The following POU6F2 variants were observed in gnomAD, a reference collection of about 807,000 sequenced individuals.
The protein encoded by POU6F2 is POU domain, class 6, transcription factor 2.
POU6F2 carries 31 observed loss-of-function variants against 71.3 expected under a neutral mutation model. The ratio of observed to expected loss-of-function variants is 0.43; its 90% CI spans 0.33 to 0.59. The LOEUF is 0.59. Ranked by LOEUF, POU6F2 falls within the 20% of genes least tolerant of loss-of-function variation. POU6F2 has a pLI of 0.04. For synonymous variants in POU6F2, 347 were observed against 355.7 expected (o/e 0.98, Z 0.27); for missense variants, 783 against 856.8 (o/e 0.91, Z 1.07).
intron 4 of POU6F2, among the ~76,000 whole-genome samples, chr7:39,328,285 A>C (rs186372474): frequency 2.2e-4 from 34 of 152,354 alleles, no homozygotes; most frequent in Admixed American, 2.2e-3. Flanking sequence ...ATTTCCAAAA[A>C]TAGGATGAAA....
chr7:39,061,465 A>T (rs916096788), intron 1 of POU6F2, among the ~76,000 whole-genome samples: 2 of 152,318 alleles, frequency 1.3e-5, no homozygotes, highest in African/African-American at 4.8e-5. Context: ...TTACAATAAC[A>T]TCCATTGACC....
intron 4 of POU6F2, among the ~76,000 whole-genome samples, chr7:39,229,105 CAAGAG>C (rs1013301793): frequency 1.6e-4 from 24 of 152,316 alleles, no homozygotes; most frequent in African/African-American, 5.5e-4. Flanking sequence ...CCTGTTTAGT[CAAGAG>C]AGCCTTAAAT....
chr7:39,314,031 A>T (rs1050511090), intron 4 of POU6F2, among the ~76,000 whole-genome samples: 3 of 152,186 alleles, frequency 2.0e-5, no homozygotes, highest in African/African-American at 7.2e-5. Flanking sequence ...CTATGCACAC[A>T]TGAGATTCTG....
chr7:39,082,565 C>T (rs1791142630), intron 1 of POU6F2, among the ~76,000 whole-genome samples: 1 of 152,142 alleles, frequency 6.6e-6, no homozygotes, highest in Non-Finnish European at 1.5e-5. Flanking sequence ...AAAATCCTCT[C>T]TTCACTACGA....
intron 4 of POU6F2, among the ~76,000 whole-genome samples, chr7:39,214,921 G>A (rs1334955218): frequency 6.6e-6 from 1 of 152,198 alleles, no homozygotes; most frequent in Non-Finnish European, 1.5e-5. Flanking sequence ...CCATCATAGA[G>A]CCTGAAATGT....
chr7:39,030,428 G>GAT (rs1039988833), intron 1 of POU6F2, among the ~76,000 whole-genome samples: 21 of 143,276 alleles, frequency 1.5e-4, no homozygotes, highest in Non-Finnish European at 2.7e-4. Flanking sequence ...TCTTGCCTGA[G>GAT]ATCTGATTAT....
At chr7:38,998,114 T>G (rs1167062316) in intron 1 of POU6F2, among the ~76,000 whole-genome samples, 1 of 152,250 alleles carries the variant, frequency 6.6e-6, no homozygotes, top group African/African-American at 2.4e-5. Context: ...CCGAAGAATT[T>G]TTAAATGATC....
intron 2 of POU6F2, among the ~76,000 whole-genome samples, chr7:39,175,947 A>C (rs991184922): frequency 6.6e-6 from 1 of 152,192 alleles, no homozygotes; most frequent in Admixed American, 6.5e-5. Context: ...CCTTCCATCT[A>C]GGAAGACTGG....
chr7:39,367,790 G>A (rs1418548713), intron 5 of POU6F2, among the ~76,000 whole-genome samples: 1 of 152,114 alleles, frequency 6.6e-6, no homozygotes, highest in East Asian at 1.9e-4. Flanking sequence ...TTGTGTCTCT[G>A]TGTCACATTT....
At chr7:39,389,304 G>A (rs77266765) in intron 5 of POU6F2, among the ~76,000 whole-genome samples, 2,896 of 152,216 alleles carry the variant, frequency 0.019, 79 homozygotes, top group East Asian at 0.1. Flanking sequence ...AAACAATCTT[G>A]TCACTGATGA....
At chr7:39,300,524 G>C (rs150246118) in intron 4 of POU6F2, among the ~76,000 whole-genome samples, 16 of 152,292 alleles carry the variant, frequency 1.1e-4, no homozygotes, top group African/African-American at 3.4e-4. Flanking sequence ...CTGTAACAAA[G>C]TACCGCAGAC....
At chr7:39,034,532 G>A (rs1790016593) in intron 1 of POU6F2, 3 of 410,706 alleles carry the variant, frequency 7.3e-6, no homozygotes, top group South Asian at 1.7e-5. Flanking sequence ...TGCACATAAA[G>A]TCGGGGTCAG....
chr7:39,419,013 ATG>A (rs1330610866), intron 6 of POU6F2, among the ~76,000 whole-genome samples: 7 of 125,132 alleles, frequency 5.6e-5, no homozygotes, highest in East Asian at 2.4e-4. Context: ...ATGTGTATAT[ATG>A]TATATATATG....
At chr7:39,074,546 C>T (rs1790957189) in intron 1 of POU6F2, among the ~76,000 whole-genome samples, 1 of 151,848 alleles carries the variant, frequency 6.6e-6, no homozygotes, top group African/African-American at 2.4e-5. Context: ...GATATCAATT[C>T]TTATTTTTGT....
intron 6 of POU6F2, among the ~76,000 whole-genome samples, chr7:39,422,762 G>A (rs949605831): frequency 8.5e-5 from 13 of 152,144 alleles, no homozygotes; most frequent in African/African-American, 2.9e-4. Context: ...AGAAGTCCCA[G>A]TAGATCGACT....
At chr7:39,416,763 A>G (rs118080333) in intron 6 of POU6F2, among the ~76,000 whole-genome samples, 1 of 152,192 alleles carries the variant, frequency 6.6e-6, no homozygotes, top group African/African-American at 2.4e-5. Context: ...ACCACATTTA[A>G]CAAGTATATC....
chr7:39,247,372 G>C (rs1157629726), intron 4 of POU6F2, among the ~76,000 whole-genome samples: 1 of 151,882 alleles, frequency 6.6e-6, no homozygotes, highest in Non-Finnish European at 1.5e-5. Context: ...AATCGCCTAA[G>C]CCCAGTAGGC....
intron 7 of POU6F2, among the ~76,000 whole-genome samples, chr7:39,436,034 T>G (rs10250325): frequency 0.34 from 51,075 of 151,942 alleles, 9,571 homozygotes; most frequent in East Asian, 0.58. Flanking sequence ...AGCCTTGTAG[T>G]ATAGTTTGAA....
chr7:39,010,520 T>C (rs1584496051), intron 1 of POU6F2, among the ~76,000 whole-genome samples: 1 of 151,384 alleles, frequency 6.6e-6, no homozygotes, highest in East Asian at 1.9e-4. Context: ...TGTCTCTATT[T>C]CCTTCAGTTG....
Sources: allele counts gnomAD v4.1 joint callset (sites outside exome capture counted in the v4.1 genomes callset), GRCh38; gene constraint gnomAD v4.1.1; transcripts MANE v1.5; gene names NCBI Gene and HGNC (gene_info 2026-07-23, HGNC 2026-07-21).